RAB1A: variants seen among roughly 807,000 people sequenced by gnomAD.
RAB1A encodes the protein RAB1A, member RAS oncogene family.
In RAB1A, 2 loss-of-function variants were observed where a neutral mutation model predicts 26.0. The observed-to-expected ratio is 0.08, with a 90% CI of 0.03 to 0.24. RAB1A has a LOEUF of 0.24. RAB1A is among the 10% of genes least tolerant of loss of function. The probability of loss-of-function intolerance (pLI) is 1.00; values close to 1 mark genes in which losing one functional copy is unlikely to be tolerated. For synonymous variants in RAB1A, 84 were observed against 84.9 expected, an observed-to-expected ratio of 0.99 and a Z score of 0.06; for missense variants, 100 against 247.0, an observed-to-expected ratio of 0.40 and a Z score of 3.99.
intron 2 of RAB1A, among the ~76,000 whole-genome samples, chr2:65,102,394 A>G (rs1669451336): frequency 6.6e-6 from 1 of 152,142 alleles, no homozygotes; most frequent in Non-Finnish European, 1.5e-5. Flanking sequence ...TATTTTTTAA[A>G]TAACCTTCAT....
chr2:65,116,467 C>T (rs889052566), intron 1 of RAB1A, among the ~76,000 whole-genome samples: 1 of 152,160 alleles, frequency 6.6e-6, no homozygotes, highest in Non-Finnish European at 1.5e-5. Context: ...CCTCAATTTC[C>T]TCATCTATAA....
At chr2:65,093,667 G>A (rs1181033012) in intron 3 of RAB1A, among the ~76,000 whole-genome samples, 15 of 149,458 alleles carry the variant, frequency 1.0e-4, no homozygotes, top group Non-Finnish European at 1.0e-4. Context: ...TCTGTCACCA[G>A]GCTGGAGTGC....
At chr2:65,120,836 A>G (rs1217815767) in intron 1 of RAB1A, among the ~76,000 whole-genome samples, 1 of 152,222 alleles carries the variant, frequency 6.6e-6, no homozygotes, top group Non-Finnish European at 1.5e-5. Flanking sequence ...TTATTATACA[A>G]AGGAAATACA....
At chr2:65,105,049 C>T in intron 1 of RAB1A, 1 of 587,650 alleles carries the variant, frequency 1.7e-6, no homozygotes, top group Non-Finnish European at 3.1e-6. Context: ...AGTGAACTTC[C>T]ACTTAAAAAG....
intron 2 of RAB1A, among the ~76,000 whole-genome samples, chr2:65,103,816 G>C: frequency 6.6e-6 from 1 of 150,548 alleles, no homozygotes; most frequent in Non-Finnish European, 1.5e-5. Flanking sequence ...GTCTTGCTCT[G>C]TTGCCAGGCT....
At chr2:65,106,354 A>T (rs558896966) in intron 1 of RAB1A, 90 of 323,676 alleles carry the variant, frequency 2.8e-4, no homozygotes, top group African/African-American at 1.9e-3. Flanking sequence ...ACCACGTCAC[A>T]ATTTAGATTA....
intron 2 of RAB1A, 58 bp from the exon 3 acceptor site, chr2:65,098,124 T>A: frequency 1.0e-6 from 1 of 1,000,872 alleles, no homozygotes; most frequent in Non-Finnish European, 1.4e-6. Flanking sequence ...GATGCAAGTC[T>A]AAGTGGAAAA....
At position 65,114,097 on chromosome 2, in the gene RAB1A, G is replaced by A. The variant is rs763456290; in HGVS notation, c.24-9291C>T. The stretch of plus-strand genomic sequence containing the variant: ...GTCAGGTTGTAAACAGACAGCAATG[G>A]CATACTCCCAATACAGCCACAAGTA... On this transcript the variant is annotated intron_variant, in intron 1 of 5. Transcript: ENST00000409784. 19 of 444,442 alleles carry A rather than the reference G, an allele frequency of 4.3e-5. No individual in the cohort carries two copies. The East Asian group carries it at 1.0e-3, about 24-fold the overall frequency. 27.5% of individuals were successfully genotyped at this position (444,442 alleles called of 1,614,324 possible). A position where few individuals can be genotyped will look rare whatever the true frequency, so the allele number is the denominator to read the frequency against.
intron 1 of RAB1A, among the ~76,000 whole-genome samples, chr2:65,106,720 G>C (rs1193796950): frequency 6.7e-6 from 1 of 149,288 alleles, no homozygotes; most frequent in Non-Finnish European, 1.5e-5. Context: ...ATCCTTTCCA[G>C]TTTGAGATTT....
chr2:65,107,642 T>C (rs1573077646), intron 1 of RAB1A, among the ~76,000 whole-genome samples: 1 of 152,162 alleles, frequency 6.6e-6, no homozygotes, highest in East Asian at 1.9e-4. Context: ...GGGAGGTTTT[T>C]AAACAGAAGT....
At chr2:65,097,235 A>G (rs1190247570) in intron 3 of RAB1A, among the ~76,000 whole-genome samples, 1 of 152,192 alleles carries the variant, frequency 6.6e-6, no homozygotes, top group Admixed American at 6.6e-5. Context: ...AAAAGACCAC[A>G]GATATGCCCA....
At chr2:65,124,144 C>G (rs1434992777) in intron 1 of RAB1A, among the ~76,000 whole-genome samples, 2 of 152,150 alleles carry the variant, frequency 1.3e-5, no homozygotes, top group African/African-American at 4.8e-5. Context: ...CACACCACCA[C>G]GCCTAGCTAA....
rs761186202 is a variant in RAB1A, at chr2:65,088,393, T to C, written c.*100A>G. 242 of 953,892 alleles carry C rather than the reference T, an allele frequency of 2.5e-4. No homozygotes were observed. The highest frequency in any genetic ancestry group is 2.0e-3 in the Middle Eastern group (6 of 3,030). The allele number at this position is 953,892 out of a possible 1,614,324, so 59.1% of individuals were successfully genotyped here. A position where few individuals can be genotyped will look rare whatever the true frequency, so the allele number is the denominator to read the frequency against. ...CCTTTGTGGAGACGGTAAGAATCTG[T>C]TGTAGTGCAGCTACATACAGTACAA... On this transcript the variant is annotated 3_prime_UTR_variant, in exon 6 of 6. Coordinates refer to ENST00000409784, the MANE Select transcript of RAB1A (RefSeq NM_004161.5).
At chr2:65,115,778 A>T (rs1669809266) in intron 1 of RAB1A, among the ~76,000 whole-genome samples, 1 of 152,112 alleles carries the variant, frequency 6.6e-6, no homozygotes, top group South Asian at 2.1e-4. Context: ...CAACCACTAA[A>T]ATTACATGTT....
intron 1 of RAB1A, among the ~76,000 whole-genome samples, chr2:65,113,361 C>T (rs1032072537): frequency 6.6e-6 from 1 of 152,020 alleles, no homozygotes; most frequent in African/African-American, 2.4e-5. Flanking sequence ...TTAAAAAAAG[C>T]CTGGTGCAGT....
At chr2:65,119,584 CA>C (rs1352070318) in intron 1 of RAB1A, among the ~76,000 whole-genome samples, 5 of 145,864 alleles carry the variant, frequency 3.4e-5, no homozygotes, top group African/African-American at 1.0e-4. Context: ...AAAACAAAAA[CA>C]AAAAAAAACA....
chr2:65,123,869 T>C (rs1271846919), intron 1 of RAB1A, among the ~76,000 whole-genome samples: 1 of 149,918 alleles, frequency 6.7e-6, no homozygotes, highest in Non-Finnish European at 1.5e-5. Flanking sequence ...GAAGATTTGA[T>C]TTTGAAGCAC....
intron 4 of RAB1A, 33 bp downstream of exon 4, chr2:65,090,950 G>A: frequency 7.0e-7 from 1 of 1,433,016 alleles, no homozygotes; most frequent in Non-Finnish European, 9.7e-7. Flanking sequence ...TTCCTACTTG[G>A]TCACTGTAAC....
chr2:65,091,687 G>A (rs1188410068), intron 3 of RAB1A, among the ~76,000 whole-genome samples: 1 of 151,950 alleles, frequency 6.6e-6, no homozygotes, highest in East Asian at 1.9e-4. Context: ...CACCACACCC[G>A]GCTAATTTTT....
Sources: gnomAD v4.1 joint callset for allele counts (sites outside exome capture counted in the v4.1 genomes callset) on GRCh38, gnomAD v4.1.1 for gene constraint, MANE v1.5 for transcripts, NCBI Gene and HGNC (gene_info 2026-07-23, HGNC 2026-07-21) for gene names.